CABIN1: variants seen among roughly 807,000 people sequenced by gnomAD.
CABIN1 encodes the protein calcineurin-binding protein cabin-1.
Under a neutral mutation model 227.7 loss-of-function variants are expected in CABIN1, and 133 were observed. The ratio of observed to expected loss-of-function variants is 0.58; its 90% CI spans 0.51 to 0.67. CABIN1 has a LOEUF of 0.67. CABIN1 is among the 30% of genes least tolerant of loss of function. CABIN1 has a pLI of 0.00. For synonymous variants in CABIN1, 1,086 were observed against 1,155.1 expected, an observed-to-expected ratio of 0.94 and a Z score of 1.21; for missense variants, 2,408 against 2,852.5, an observed-to-expected ratio of 0.84 and a Z score of 3.55.
At chr22:24,054,312 A>G (rs575371946) in intron 8 of CABIN1, among the ~76,000 whole-genome samples, 19 of 152,308 alleles carry the variant, frequency 1.2e-4, no homozygotes, top group Middle Eastern at 6.8e-3. Flanking sequence ...ATAACACACC[A>G]CACCATACCA....
chr22:24,125,494 G>C (rs1281233685), intron 28 of CABIN1, among the ~76,000 whole-genome samples: 1 of 152,224 alleles, frequency 6.6e-6, no homozygotes, highest in Non-Finnish European at 1.5e-5. Context: ...CATTAGACTG[G>C]AGCAGGTGTG....
rs371892117 is a variant in CABIN1 at position 24,165,643 on chromosome 22, C to T, written c.5007+17C>T. The T allele has an allele frequency of 9.7e-5, 156 of 1,601,574 alleles. No individual in the cohort carries two copies. In the African/African-American group the frequency reaches 1.9e-3, roughly 20 times the overall value. On this transcript the variant is annotated intron_variant, in intron 31 of 36. Transcript: ENST00000263119. ...CTCGCAGAGGTATGCCACCTGTGTC[C>T]TCCTCTCCTCCACGGCCCATGAACA...
chr22:24,061,698 C>G (rs1389358028), intron 12 of CABIN1, among the ~76,000 whole-genome samples: 1 of 152,226 alleles, frequency 6.6e-6, no homozygotes, highest in African/African-American at 2.4e-5. Context: ...GCTGCCTCTT[C>G]AACAGGACAA....
At chr22:24,110,440 G>C in intron 26 of CABIN1, among the ~76,000 whole-genome samples, 1 of 152,138 alleles carries the variant, frequency 6.6e-6, no homozygotes, top group African/African-American at 2.4e-5. Context: ...TAATGTTTTA[G>C]AAAAATCGAA....
chr22:24,023,466 T>G (rs1355541856), intron 1 of CABIN1, among the ~76,000 whole-genome samples: 3 of 152,320 alleles, frequency 2.0e-5, no homozygotes, highest in East Asian at 3.9e-4. Flanking sequence ...TAAACTGTTT[T>G]CCACAGGGGC....
At chr22:24,142,989 T>C (rs1033943253) in intron 29 of CABIN1, among the ~76,000 whole-genome samples, 3 of 152,050 alleles carry the variant, frequency 2.0e-5, no homozygotes, top group Admixed American at 2.0e-4. Flanking sequence ...GCATAATACC[T>C]GCTGTGTGCC....
chr22:24,047,411 C>G (rs1022996240), intron 6 of CABIN1, among the ~76,000 whole-genome samples: 5 of 152,310 alleles, frequency 3.3e-5, no homozygotes, highest in East Asian at 3.9e-4. Context: ...AATGTGCCTA[C>G]TGAGAACCAG....
chr22:24,162,142 G>A (rs1021906324), intron 29 of CABIN1: 21 of 152,276 alleles, frequency 1.4e-4, no homozygotes, highest in Admixed American at 8.5e-4. Context: ...TCTGCCTGGT[G>A]GCTTCACTCT....
chr22:24,041,217 G>A lies in CABIN1; in HGVS notation c.289G>A (p.Ala97Thr). 1 of 1,614,204 alleles carries A rather than the reference G, an allele frequency of 6.2e-7. No individual in the cohort carries two copies. The highest frequency in any genetic ancestry group is 8.5e-7 in the Non-Finnish European group (1 of 1,180,040). The change falls in exon 5 of 37, where the codon GCC becomes ACC. Residue 97 changes from alanine to threonine, a missense_variant. Physicochemically the swap from Ala to Thr is moderately conservative, Grantham distance 58. Transcript: ENST00000263119. ...ILKYSTYKNLAQLAAQREDLE... is the reference protein window; with the variant it reads ...ILKYSTYKNLTQLAAQREDLE... ...GAAATATTCCACTTATAAGAACTTG[G>A]CCCAGCTGGCAGCCCAGCGGGAGGA...
rs752355569 is a variant in CABIN1, at chr22:24,083,347, G to A, written c.2868G>A (p.Lys956=). ...CFYCLYSFPS[K]KSKARYLEEH... The stretch of plus-strand genomic sequence containing the variant: ...ACTGCCTGTACAGCTTCCCCAGCAA[G>A]AAGAGTAAGGCCAGGTACCTGGAGG... Residue 956 remains lysine (K), a synonymous_variant, in exon 20 of 37, where the codon AAG becomes AAA. Transcript: ENST00000263119. 1.2e-6 allele frequency: 2 copies of A among 1,613,878 alleles called. No individual in the cohort carries two copies. The highest frequency in any genetic ancestry group is 1.3e-5 in the African/African-American group (1 of 74,924).
chr22:24,069,904 G>A (rs188852123), intron 16 of CABIN1, among the ~76,000 whole-genome samples: 1 of 152,276 alleles, frequency 6.6e-6, no homozygotes, highest in Non-Finnish European at 1.5e-5. Flanking sequence ...GGCCTGGGCT[G>A]TGGCGAGGTT....
At chr22:24,063,911 T>C (rs2039387814) in intron 14 of CABIN1, 124 bp from the exon 15 acceptor site, 1 of 1,119,546 alleles carries the variant, frequency 8.9e-7, no homozygotes, top group African/African-American at 1.5e-5. Context: ...GGGGGTACAG[T>C]GTAATTGGTA....
intron 1 of CABIN1, among the ~76,000 whole-genome samples, chr22:24,022,640 G>A (rs1329703387): frequency 1.3e-5 from 2 of 152,172 alleles, no homozygotes; most frequent in African/African-American, 4.8e-5. Context: ...ATATGCTAGT[G>A]TATGTTGAGT....
chr22:24,088,384 C>T lies in CABIN1; in HGVS notation c.3525+671C>T, dbSNP rs553585647. Among the ~76,000 whole-genome samples, 333 of 152,132 alleles carry T rather than the reference C, an allele frequency of 2.2e-3. 1 individual carries two copies. The highest frequency in any genetic ancestry group is 3.4e-3 in the Middle Eastern group (1 of 292). Reference sequence around the variant, plus strand: ...CAACACTTTCGGAGACTGAGGCGGGCGGATCACGAGGTCAGGAGTATGAGA... The same window carrying T: ...CAACACTTTCGGAGACTGAGGCGGGTGGATCACGAGGTCAGGAGTATGAGA... On this transcript the variant is annotated intron_variant, in intron 23 of 36. Transcript: ENST00000263119.
chr22:24,175,967 G>T, intron 34 of CABIN1, 144 bp from the exon 35 acceptor site: 1 of 950,462 alleles, frequency 1.1e-6, no homozygotes, highest in Non-Finnish European at 1.6e-6. Context: ...AACCTGGACT[G>T]CCTCAGCCAG....
At chr22:24,061,612 A>G (rs1289608527) in intron 12 of CABIN1, among the ~76,000 whole-genome samples, 8 of 152,228 alleles carry the variant, frequency 5.3e-5, no homozygotes, top group Non-Finnish European at 1.2e-4. Context: ...ATGGTATACC[A>G]GCTGCCCAGA....
In CABIN1 at chr22:24,178,535, C is replaced by T. The variant is rs2047240447; in HGVS notation, c.*339C>T. ...TCCACCCCTCGACGCCGGGATGAGC[C>T]GGCTCTGCCTGTGTCACAGTGGAGG... On this transcript the variant is annotated 3_prime_UTR_variant, in exon 37 of 37. Transcript: ENST00000263119. 2.7e-6 allele frequency: 1 copy of T among 370,610 alleles called. No individual in the cohort carries two copies. 23.0% of individuals were successfully genotyped at this position (370,610 alleles called of 1,614,324 possible).
At chr22:24,038,669 A>G (rs2037119573) in intron 4 of CABIN1, among the ~76,000 whole-genome samples, 1 of 152,242 alleles carries the variant, frequency 6.6e-6, no homozygotes, top group Non-Finnish European at 1.5e-5. Context: ...TGAAGCATGT[A>G]AAATGATTCC....
intron 1 of CABIN1, among the ~76,000 whole-genome samples, chr22:24,017,404 G>A (rs2035383237): frequency 1.3e-5 from 2 of 152,074 alleles, no homozygotes; most frequent in Non-Finnish European, 1.5e-5. Context: ...ACATTGTTAT[G>A]CAGCCATCAC....
Sources: gnomAD v4.1 joint callset for allele counts (sites outside exome capture counted in the v4.1 genomes callset) on GRCh38, gnomAD v4.1.1 for gene constraint, MANE v1.5 for transcripts, NCBI Gene and HGNC (gene_info 2026-07-23, HGNC 2026-07-21) for gene names.